Variants in FAT3 observed in about 807,000 individuals in gnomAD.
The protein encoded by FAT3 is FAT atypical cadherin 3, also known as protocadherin Fat 3.
In FAT3, 95 loss-of-function variants were observed where a neutral mutation model predicts 310.2. That is an observed-to-expected ratio of 0.31 (90% confidence interval 0.26 to 0.36). FAT3 has a LOEUF of 0.36. Ranked by LOEUF, FAT3 falls within the 10% of genes least tolerant of loss-of-function variation. The pLI is 1.00. For synonymous variants in FAT3, 2,314 were observed against 2,192.9 expected (o/e 1.06, Z -1.54); for missense variants, 5,408 against 5,715.6 (o/e 0.95, Z 1.74).
chr11:92,737,436 A>G (rs760393523), intron 4 of FAT3, among the ~76,000 whole-genome samples: 3 of 152,112 alleles, frequency 2.0e-5, no homozygotes, highest in Non-Finnish European at 4.4e-5. Flanking sequence ...ATTTACAGCA[A>G]TTCAAAGACA....
chr11:92,777,803 A>G (rs977853290), intron 7 of FAT3, among the ~76,000 whole-genome samples: 1 of 152,118 alleles, frequency 6.6e-6, no homozygotes, highest in South Asian at 2.1e-4. Flanking sequence ...ACATGAGTTT[A>G]TGAATGCAGA....
chr11:92,588,101 G>A (rs1939242527), intron 3 of FAT3, among the ~76,000 whole-genome samples: 1 of 151,892 alleles, frequency 6.6e-6, no homozygotes, highest in Admixed American at 6.6e-5. Context: ...GACTGTATAG[G>A]TCTAAGGATC....
At position 92,839,802 on chromosome 11, in the gene FAT3, G is replaced by A. The variant is rs79916423; in HGVS notation, c.10369-760G>A. On this transcript the variant is annotated intron_variant, in intron 17 of 27. Coordinates refer to ENST00000525166, the MANE Select transcript of FAT3 (RefSeq NM_001367949.2). ...TGAGCTACAGAGGATTTAATTTGCC[G>A]TTTTCAACGTGAGGATGACCTTTGA... Among the ~76,000 whole-genome samples, 599 of 152,296 alleles carry A rather than the reference G, an allele frequency of 3.9e-3. 1 individual carries two copies. The highest frequency in any genetic ancestry group is 6.8e-3 in the Middle Eastern group (2 of 294).
At chr11:92,285,059 G>A (rs1396647209) in intron 1 of FAT3, among the ~76,000 whole-genome samples, 1 of 152,146 alleles carries the variant, frequency 6.6e-6, no homozygotes, top group Non-Finnish European at 1.5e-5. Context: ...AATGAGAGGT[G>A]AGTGGAAACA....
At chr11:92,563,755 T>G (rs535029259) in intron 3 of FAT3, among the ~76,000 whole-genome samples, 12 of 152,132 alleles carry the variant, frequency 7.9e-5, no homozygotes, top group African/African-American at 2.6e-4. Context: ...GGAAAAGAAT[T>G]TTCAACCCAG....
chr11:92,347,955 A>G (rs1948459722), intron 1 of FAT3, among the ~76,000 whole-genome samples: 1 of 152,178 alleles, frequency 6.6e-6, no homozygotes, highest in Admixed American at 6.5e-5. Context: ...GGAAAGGGCA[A>G]TATTATTTTT....
intron 2 of FAT3, among the ~76,000 whole-genome samples, chr11:92,412,723 AT>A (rs1950307714): frequency 2.9e-5 from 1 of 34,392 alleles, no homozygotes; most frequent in African/African-American, 7.7e-5. Context: ...ATATATATAT[AT>A]ATATATATAT....
At chr11:92,336,612 AT>A in intron 1 of FAT3, 1 of 155,772 alleles carries the variant, frequency 6.4e-6, no homozygotes, top group East Asian at 1.9e-4. Flanking sequence ...TATACAAATA[AT>A]TTATCTGCTT....
intron 3 of FAT3, among the ~76,000 whole-genome samples, chr11:92,690,922 C>T (rs1000032147): frequency 2.0e-5 from 3 of 152,114 alleles, no homozygotes; most frequent in Non-Finnish European, 4.4e-5. Context: ...TTTAAAAGCA[C>T]GTACTTAACT....
At position 92,525,004 on chromosome 11, in the gene FAT3, T is replaced by G. The variant is rs567708263; in HGVS notation, c.3607+56T>G. On this transcript the variant is annotated intron_variant, in intron 3 of 27. Transcript: ENST00000525166. Reference sequence around the variant, plus strand: ...GTTTGTAGTCCAGCCTTTAAATTCATCAGCCTGACACTTTCTGTACTCATT... The same window carrying G: ...GTTTGTAGTCCAGCCTTTAAATTCAGCAGCCTGACACTTTCTGTACTCATT... The G allele has an allele frequency of 1.2e-5, 16 of 1,361,086 alleles. No homozygotes were observed. The African/African-American group carries it at 1.4e-4, about 12-fold the overall frequency. The allele number at this position is 1,361,086 out of a possible 1,614,324, so 84.3% of individuals were successfully genotyped here.
chr11:92,372,561 A>G (rs1187412639), intron 2 of FAT3, among the ~76,000 whole-genome samples: 1 of 152,188 alleles, frequency 6.6e-6, no homozygotes, highest in Non-Finnish European at 1.5e-5. Flanking sequence ...GTTCTGGTTT[A>G]TCAAGGTTTT....
chr11:92,757,889 G>C (rs558320930), intron 4 of FAT3, among the ~76,000 whole-genome samples: 2 of 152,184 alleles, frequency 1.3e-5, no homozygotes, highest in African/African-American at 4.8e-5. Flanking sequence ...AGTTTGAGGA[G>C]TGGCTAAAAA....
chr11:92,777,715 G>A (rs140683112), intron 7 of FAT3, among the ~76,000 whole-genome samples: 3 of 152,224 alleles, frequency 2.0e-5, no homozygotes, highest in Admixed American at 1.3e-4. Context: ...CCTCAAGCAA[G>A]CCACCTAACT....
intron 2 of FAT3, among the ~76,000 whole-genome samples, chr11:92,392,555 C>G (rs949428197): frequency 1.3e-5 from 2 of 152,058 alleles, no homozygotes; most frequent in African/African-American, 4.8e-5. Flanking sequence ...CCAATCTATA[C>G]TAAATGCTGC....
At chr11:92,826,237 A>T (rs1016990924) in intron 13 of FAT3, among the ~76,000 whole-genome samples, 1 of 152,250 alleles carries the variant, frequency 6.6e-6, no homozygotes, top group African/African-American at 2.4e-5. Flanking sequence ...ATGCAGTGAC[A>T]TAGTCAAGAA....
At chr11:92,544,167 T>TA (rs1378279878) in intron 3 of FAT3, among the ~76,000 whole-genome samples, 1 of 152,194 alleles carries the variant, frequency 6.6e-6, no homozygotes, top group African/African-American at 2.4e-5. Context: ...AGTTAAATAT[T>TA]AAAATGTTTA....
Position 92,798,464 on chromosome 11 carries a change from G to A in FAT3, c.5451G>A (p.Glu1817=). ...RNALLVYQIV[E]STAKKFFTVD... is the part of the protein sequence containing the mutation. Reference sequence around the variant, plus strand: ...CTCTGCTTGTGTATCAGATTGTGGAGTCAACAGCAAAAAAGTTTTTCACGG... The same window carrying A: ...CTCTGCTTGTGTATCAGATTGTGGAATCAACAGCAAAAAAGTTTTTCACGG... The change falls in exon 10 of 28, where the codon GAG becomes GAA. Residue 1817 remains glutamate (E), a synonymous_variant. Coordinates refer to ENST00000525166, the MANE Select transcript of FAT3 (RefSeq NM_001367949.2). 1 of 1,613,540 alleles carries A rather than the reference G, an allele frequency of 6.2e-7. No homozygotes were observed. The highest frequency in any genetic ancestry group is 8.5e-7 in the Non-Finnish European group (1 of 1,179,818).
chr11:92,492,297 A>G (rs1389903857), intron 2 of FAT3, among the ~76,000 whole-genome samples: 3 of 151,754 alleles, frequency 2.0e-5, no homozygotes, highest in African/African-American at 7.2e-5. Flanking sequence ...CCATTCATCC[A>G]TCCATCCATC....
intron 3 of FAT3, among the ~76,000 whole-genome samples, chr11:92,640,822 A>T (rs1010940991): frequency 7.2e-5 from 11 of 152,166 alleles, no homozygotes; most frequent in Non-Finnish European, 1.5e-5. Flanking sequence ...TCTTTCCCCA[A>T]CATAAGGCAC....
Sources: gnomAD v4.1 joint callset for allele counts (sites outside exome capture counted in the v4.1 genomes callset) on GRCh38, gnomAD v4.1.1 for gene constraint, MANE v1.5 for transcripts, NCBI Gene and HGNC (gene_info 2026-07-23, HGNC 2026-07-21) for gene names.